Variants in CCR6 observed in about 807,000 individuals in gnomAD.
CCR6 encodes C-C chemokine receptor type 6.
Under a neutral mutation model 3.0 loss-of-function variants are expected in CCR6, and 2 were observed. That is an observed-to-expected ratio of 0.66 (90% CI 0.27 to 2.07). The LOEUF is 2.07. Among genes scored for constraint, CCR6 ranks in the 30% most tolerant of loss-of-function variants. The pLI, the probability that CCR6 is intolerant of heterozygous loss-of-function variation, is 0.14. For synonymous variants in CCR6, 193 were observed against 184.3 expected (o/e 1.05, Z -0.38); for missense variants, 322 against 462.8 (o/e 0.70, Z 2.79).
At chr6:167,115,844 C>T (rs1781484864) in intron 1 of CCR6, 1 of 152,168 alleles carries the variant, frequency 6.6e-6, no homozygotes, top group Non-Finnish European at 1.5e-5. Flanking sequence ...TTATGATTTT[C>T]ATGTCTCTTC....
intron 1 of CCR6, among the ~76,000 whole-genome samples, chr6:167,117,480 G>T (rs376651202): frequency 7.7e-6 from 1 of 130,704 alleles, no homozygotes; most frequent in Non-Finnish European, 1.5e-5. Context: ...GCAGTGGCAC[G>T]ATCTCGACTC....
In CCR6 at chr6:167,136,623, C is replaced by T. The variant is rs143644849; in HGVS notation, c.393C>T (p.Cys131=). ...LKGIYAINFN[C]GMLLLTCISM... is the part of the protein sequence containing the mutation. ...GCATCTATGCCATCAACTTTAACTGCGGGATGCTGCTCCTGACTTGCATTA... is the reference window on the plus strand; with the variant it reads ...GCATCTATGCCATCAACTTTAACTGTGGGATGCTGCTCCTGACTTGCATTA... Residue 131 remains cysteine (C), a synonymous_variant, in exon 3 of 3, where the codon TGC becomes TGT. Transcript: ENST00000341935. The surrounding 1 kb of genome is among the most constrained non-coding windows in gnomAD (Gnocchi z 4.6). 4.5e-5 allele frequency: 72 copies of T among 1,613,828 alleles called. No homozygotes were observed. Among genetic ancestry groups the T allele is most frequent in the Admixed American group, 3.0e-4 (18 of 59,988 alleles).
intron 1 of CCR6, among the ~76,000 whole-genome samples, chr6:167,124,995 T>G (rs923856031): frequency 2.0e-5 from 3 of 152,032 alleles, no homozygotes; most frequent in Non-Finnish European, 4.4e-5. Flanking sequence ...CACACCTATA[T>G]ACACACATGC....
At chr6:167,135,722 G>T (rs1198934666) in intron 1 of CCR6, among the ~76,000 whole-genome samples, 3 of 152,150 alleles carry the variant, frequency 2.0e-5, no homozygotes, top group African/African-American at 7.2e-5. Context: ...TAGATCAAGG[G>T]TTGGCAAATT....
intron 1 of CCR6, among the ~76,000 whole-genome samples, chr6:167,113,497 T>C (rs1280331001): frequency 6.6e-6 from 1 of 152,194 alleles, no homozygotes; most frequent in African/African-American, 2.4e-5. Context: ...AAGCAGATAC[T>C]GTAGTTCCAA....
At chr6:167,124,044 G>A (rs1381690775) in intron 1 of CCR6, among the ~76,000 whole-genome samples, 6 of 152,240 alleles carry the variant, frequency 3.9e-5, no homozygotes, top group Admixed American at 1.3e-4. Context: ...CTTGGGAGGC[G>A]GAGGTTGCAG....
At chr6:167,132,985 G>A (rs1346305476) in intron 1 of CCR6, among the ~76,000 whole-genome samples, 1 of 152,118 alleles carries the variant, frequency 6.6e-6, no homozygotes, top group African/African-American at 2.4e-5. Context: ...GTTTTTGATA[G>A]GGAGTTGTAA....
intron 1 of CCR6, among the ~76,000 whole-genome samples, chr6:167,129,914 G>A (rs1188635449): frequency 6.6e-6 from 1 of 151,660 alleles, no homozygotes. Context: ...CTGCAAAACC[G>A]AATTGAGTCA....
intron 1 of CCR6, among the ~76,000 whole-genome samples, chr6:167,133,543 A>AT (rs143396431): frequency 1.3e-4 from 19 of 145,954 alleles, no homozygotes; most frequent in East Asian, 4.0e-4. Flanking sequence ...TGAGTCCTCC[A>AT]TTTTTTTTTT....
upstream of CCR6, among the ~76,000 whole-genome samples, chr6:167,118,878 C>T (rs188589826): frequency 9.2e-5 from 14 of 152,298 alleles, 1 homozygote; most frequent in Admixed American, 2.0e-4. Context: ...ACATGCTGGA[C>T]GCCCTTGGTC....
intron 1 of CCR6, among the ~76,000 whole-genome samples, chr6:167,127,898 T>C (rs1484094107): frequency 2.0e-5 from 3 of 152,250 alleles, no homozygotes; most frequent in Non-Finnish European, 2.9e-5. Context: ...AATCCAGTCA[T>C]GGGCAGAGTT....
chr6:167,117,111 A>G (rs1409333761), intron 1 of CCR6: 2 of 152,248 alleles, frequency 1.3e-5, no homozygotes, highest in African/African-American at 4.8e-5. Context: ...CTCCTTAGAA[A>G]ACCAGAGTTC....
At chr6:167,134,356 G>A (rs1487528196) in intron 1 of CCR6, among the ~76,000 whole-genome samples, 1 of 152,048 alleles carries the variant, frequency 6.6e-6, no homozygotes, top group Admixed American at 6.5e-5. Context: ...ATACTCTAAA[G>A]CACTCAACTG....
At chr6:167,131,392 C>T (rs1360633489) in intron 1 of CCR6, 1 of 152,218 alleles carries the variant, frequency 6.6e-6, no homozygotes. Flanking sequence ...CGTGCCGGGC[C>T]GTCCCTCCCT....
chr6:167,128,249 T>A (rs1348805030), intron 1 of CCR6, among the ~76,000 whole-genome samples: 1 of 152,260 alleles, frequency 6.6e-6, no homozygotes, highest in Non-Finnish European at 1.5e-5. Flanking sequence ...TTCTGGTGCC[T>A]GTGTCAGGGC....
At chr6:167,114,906 A>C (rs1435827989) in intron 1 of CCR6, 1 of 152,244 alleles carries the variant, frequency 6.6e-6, no homozygotes, top group Admixed American at 6.5e-5. Context: ...CTGTGTGATT[A>C]TCCAATGGCA....
intron 1 of CCR6, among the ~76,000 whole-genome samples, chr6:167,116,533 G>A (rs1781495725): frequency 6.6e-6 from 1 of 152,194 alleles, no homozygotes; most frequent in Non-Finnish European, 1.5e-5. Flanking sequence ...CCACCTGCAT[G>A]GCTTTTGGCC....
chr6:167,112,858 G>C (rs1261951906), intron 1 of CCR6, among the ~76,000 whole-genome samples: 1 of 152,144 alleles, frequency 6.6e-6, no homozygotes, highest in Non-Finnish European at 1.5e-5. Context: ...ACACTGATGG[G>C]TCTGCTTCAA....
At position 167,123,234 on chromosome 6, in the gene CCR6, C is replaced by G. The variant is rs1428978778; in HGVS notation, c.-98+11C>G. ...AGAGCACTGCCTGAGGTGAGCATGCCAAGGCCCCTGAGACTTTTCTTTCAA... is the reference window on the plus strand; with the variant it reads ...AGAGCACTGCCTGAGGTGAGCATGCGAAGGCCCCTGAGACTTTTCTTTCAA... On this transcript the variant is annotated intron_variant, in intron 1 of 2. Coordinates refer to ENST00000341935, the MANE Select transcript of CCR6 (RefSeq NM_031409.4). 1.3e-5 allele frequency: 2 copies of G among 152,770 alleles called. No homozygotes were observed. The highest frequency in any genetic ancestry group is 3.8e-4 in the East Asian group (2 of 5,330). The allele number at this position is 152,770 out of a possible 1,614,324, so 9.5% of individuals were successfully genotyped here. A position where few individuals can be genotyped will look rare whatever the true frequency, so the allele number is the denominator to read the frequency against.
Sources: gnomAD v4.1 joint callset for allele counts (sites outside exome capture counted in the v4.1 genomes callset) on GRCh38, gnomAD v4.1.1 for gene constraint, Gnocchi (gnomAD v3.1) non-coding constraint, MANE v1.5 for transcripts, NCBI Gene and HGNC (gene_info 2026-07-23, HGNC 2026-07-21) for gene names.